Variants in NAALADL2 observed in about 807,000 individuals in gnomAD.
NAALADL2 encodes N-acetylated alpha-linked acidic dipeptidase like 2.
NAALADL2 carries 76 observed loss-of-function variants against 87.2 expected under a neutral mutation model. The ratio of observed to expected loss-of-function variants is 0.87; its 90% confidence interval spans 0.72 to 1.05. NAALADL2 has a LOEUF of 1.05. NAALADL2 is among the 50% of genes least tolerant of loss of function. NAALADL2 has a pLI of 0.00. For missense variants in NAALADL2, 1,089 were observed against 945.8 expected (o/e 1.15, Z -1.99); for synonymous variants, 354 against 331.0 (o/e 1.07, Z -0.75).
At chr3:175,019,912 T>C (rs1313830464) in intron 1 of NAALADL2, among the ~76,000 whole-genome samples, 2 of 152,056 alleles carry the variant, frequency 1.3e-5, no homozygotes, top group South Asian at 2.1e-4. Context: ...TCCAAGCATA[T>C]GCTATTGGGA....
chr3:174,617,859 T>C (rs941749405), intron 2 of NAALADL2, among the ~76,000 whole-genome samples: 4 of 151,874 alleles, frequency 2.6e-5, no homozygotes, highest in African/African-American at 4.8e-5. Flanking sequence ...TATGTTTATA[T>C]ACTTTAAAAT....
chr3:175,793,152 G>C (rs899706056), intron 13 of NAALADL2, among the ~76,000 whole-genome samples: 2 of 152,006 alleles, frequency 1.3e-5, no homozygotes, highest in African/African-American at 4.8e-5. Flanking sequence ...TCATACCATG[G>C]GGAACTACCT....
At chr3:174,972,438 C>G (rs1021967938) in intron 1 of NAALADL2, among the ~76,000 whole-genome samples, 1 of 152,156 alleles carries the variant, frequency 6.6e-6, no homozygotes, top group Non-Finnish European at 1.5e-5. Flanking sequence ...GTCCCTTCCT[C>G]GGCTTACAGA....
At chr3:175,240,188 C>T (rs1477124467) in intron 3 of NAALADL2, among the ~76,000 whole-genome samples, 1 of 152,104 alleles carries the variant, frequency 6.6e-6, no homozygotes, top group Non-Finnish European at 1.5e-5. Context: ...AAAAAAATTA[C>T]AAATGAAATG....
At chr3:174,451,459 A>C (rs193133517) in intron 1 of NAALADL2, among the ~76,000 whole-genome samples, 1 of 152,216 alleles carries the variant, frequency 6.6e-6, no homozygotes, top group African/African-American at 2.4e-5. Flanking sequence ...ACTACATAAC[A>C]GAAACTTGAT....
At chr3:174,947,323 A>G (rs1442755514) in intron 1 of NAALADL2, among the ~76,000 whole-genome samples, 11 of 152,100 alleles carry the variant, frequency 7.2e-5, no homozygotes. Context: ...CAGTTATCCC[A>G]ACCCTTGCAA....
chr3:174,695,198 G>C (rs1728910133), intron 2 of NAALADL2, among the ~76,000 whole-genome samples: 1 of 151,876 alleles, frequency 6.6e-6, no homozygotes, highest in African/African-American at 2.4e-5. Flanking sequence ...TTGACATAAA[G>C]GTGTGAATAA....
intron 13 of NAALADL2, among the ~76,000 whole-genome samples, chr3:175,780,532 G>A (rs1323186591): frequency 6.6e-6 from 1 of 151,236 alleles, no homozygotes; most frequent in Non-Finnish European, 1.5e-5. Flanking sequence ...TGTCAGACAA[G>A]ATTTTTCTCT....
chr3:174,727,128 T>TTG (rs1345516725), intron 2 of NAALADL2, among the ~76,000 whole-genome samples: 4 of 152,172 alleles, frequency 2.6e-5, no homozygotes, highest in African/African-American at 9.6e-5. Flanking sequence ...ATTCAAGGAG[T>TTG]TGTATATAAT....
At chr3:174,671,963 C>T (rs562145) in intron 2 of NAALADL2, among the ~76,000 whole-genome samples, 96,236 of 150,392 alleles carry the variant, frequency 0.64, 31,306 homozygotes, top group Admixed American at 0.72. Flanking sequence ...ATGATGATGA[C>T]AGTGGTGATG....
chr3:174,975,669 T>C (rs1018343173), intron 1 of NAALADL2, among the ~76,000 whole-genome samples: 2 of 152,174 alleles, frequency 1.3e-5, no homozygotes, highest in Admixed American at 1.3e-4. Flanking sequence ...GATTGTATTA[T>C]ATTACCTGGA....
At position 174,836,001 on chromosome 3, in the gene NAALADL2, A is replaced by G. The variant is rs139227648; in HGVS notation, c.-9+98255A>G. On this transcript the variant is annotated intron_variant, in intron 3 of 3. Transcript: ENST00000434257. ...ATCCAAAGGTTTTACTTCTGGTTAT[A>G]TACGTAAAGTAAGTCAAAGTGAGGC... Among the ~76,000 whole-genome samples the G allele has an allele frequency of 2.0e-5, 3 of 152,348 alleles. No individual in the cohort carries two copies. In the East Asian group the frequency reaches 5.8e-4, roughly 29 times the overall value.
chr3:174,987,406 A>G (rs562204973), intron 1 of NAALADL2, among the ~76,000 whole-genome samples: 17 of 149,336 alleles, frequency 1.1e-4, no homozygotes, highest in Middle Eastern at 6.9e-3. Context: ...CGTCTCTACT[A>G]AAAATACAAA....
At chr3:174,577,918 A>G (rs184870020) in intron 2 of NAALADL2, among the ~76,000 whole-genome samples, 1 of 152,174 alleles carries the variant, frequency 6.6e-6, no homozygotes, top group Non-Finnish European at 1.5e-5. Flanking sequence ...ATGGAGAATC[A>G]GAGCAGAGAA....
At chr3:174,532,132 C>T (rs1721298393) in intron 1 of NAALADL2, among the ~76,000 whole-genome samples, 1 of 152,056 alleles carries the variant, frequency 6.6e-6, no homozygotes, top group South Asian at 2.1e-4. Context: ...ATGCATCAGA[C>T]ATTTATTAAG....
At chr3:175,588,087 TAA>T (rs201465705) in intron 10 of NAALADL2, among the ~76,000 whole-genome samples, 225 of 134,990 alleles carry the variant, frequency 1.7e-3, no homozygotes, top group African/African-American at 4.5e-3. Context: ...AACCTTGGGG[TAA>T]AAAAAAAAAA....
intron 12 of NAALADL2, among the ~76,000 whole-genome samples, chr3:175,744,109 G>A (rs1033156219): frequency 5.3e-5 from 8 of 152,156 alleles, no homozygotes; most frequent in African/African-American, 1.9e-4. Context: ...TTCAACTAAA[G>A]CAAGAAGGGA....
At chr3:174,720,820 C>T (rs1036639294) in intron 2 of NAALADL2, among the ~76,000 whole-genome samples, 9 of 151,984 alleles carry the variant, frequency 5.9e-5, no homozygotes, top group African/African-American at 2.2e-4. Context: ...AAATTCTTGC[C>T]GTTCGAATGT....
chr3:175,672,751 C>A (rs985089205), intron 11 of NAALADL2, among the ~76,000 whole-genome samples: 3 of 152,000 alleles, frequency 2.0e-5, no homozygotes, highest in East Asian at 3.9e-4. Flanking sequence ...GATTTTAAAT[C>A]AAAAATATTT....
Sources: allele counts gnomAD v4.1 joint callset (sites outside exome capture counted in the v4.1 genomes callset), GRCh38; gene constraint gnomAD v4.1.1; transcripts MANE v1.5; gene names NCBI Gene and HGNC (gene_info 2026-07-23, HGNC 2026-07-21).